The following RELN variants were observed in gnomAD, a reference collection of about 807,000 sequenced individuals.
The protein encoded by RELN is reelin.
A neutral mutation model predicts 427.6 loss-of-function variants in RELN; 108 were observed. The observed-to-expected ratio is 0.25, with a 90% CI of 0.22 to 0.30. The LOEUF (loss-of-function observed/expected upper bound fraction) is 0.30, where lower values mean the gene tolerates loss of function less well. Ranked by LOEUF, RELN falls within the 10% of genes least tolerant of loss-of-function variation. The pLI is 1.00. For synonymous variants in RELN, 1,524 were observed against 1,513.4 expected, an observed-to-expected ratio of 1.01 and a Z score of -0.16; for missense variants, 3,715 against 4,302.8, an observed-to-expected ratio of 0.86 and a Z score of 3.82.
rs147965859 is a variant in RELN at position 103,813,182 on chromosome 7, A to T, written c.473+20355T>A. Among the ~76,000 whole-genome samples, 448 of 152,210 alleles carry T rather than the reference A, an allele frequency of 2.9e-3. 3 individuals are homozygous for T. The highest frequency in any genetic ancestry group is 0.01 in the African/African-American group (434 of 41,532). On this transcript the variant is annotated intron_variant, in intron 3 of 64. Coordinates refer to ENST00000428762, the MANE Select transcript of RELN (RefSeq NM_005045.4). ...CCTTTCTCTTTCTACATATTAATAC[A>T]TGGCCAATTGTCTTTTATGATCCTC...
intron 20 of RELN, among the ~76,000 whole-genome samples, chr7:103,624,392 A>G (rs1400749759): frequency 6.6e-6 from 1 of 151,984 alleles, no homozygotes; most frequent in Non-Finnish European, 1.5e-5. Flanking sequence ...ACATCGTCAC[A>G]TACCACTCAA....
At chr7:103,962,658 G>GTGTGTGTGTGTGTGTA (rs1461579707) in intron 1 of RELN, among the ~76,000 whole-genome samples, 1 of 151,786 alleles carries the variant, frequency 6.6e-6, no homozygotes, top group African/African-American at 2.4e-5. Context: ...GTGTGTGTGT[G>GTGTGTGTGTGTGTGTA]TGTGTGTGTG....
chr7:103,863,375 G>C (rs1474670070), intron 2 of RELN, among the ~76,000 whole-genome samples: 1 of 152,166 alleles, frequency 6.6e-6, no homozygotes, highest in East Asian at 1.9e-4. Flanking sequence ...TACAGGTAAG[G>C]AAATTAAGGC....
intron 8 of RELN, among the ~76,000 whole-genome samples, chr7:103,718,607 T>A (rs1790000790): frequency 6.6e-6 from 1 of 152,050 alleles, no homozygotes; most frequent in Non-Finnish European, 1.5e-5. Context: ...CCAAGCCCCC[T>A]CTTGCCATGA....
Position 103,989,348 on chromosome 7 carries a change from G to A in RELN, c.9C>T (p.Arg3=). The A allele has an allele frequency of 1.3e-6, 2 of 1,489,828 alleles. No homozygotes were observed. The highest frequency in any genetic ancestry group is 1.8e-6 in the Non-Finnish European group (2 of 1,123,648). The allele number at this position is 1,489,828 out of a possible 1,614,324, so 92.3% of individuals were successfully genotyped here. The part of the protein sequence containing the change: ME[R]SGWARQTFLL... The stretch of plus-strand genomic sequence containing the variant: ...GGAAAGTCTGCCGGGCCCAGCCACT[G>A]CGCTCCATGCCGCCGCCGCCGCCGC... Residue 3 remains arginine (R), a synonymous_variant, in exon 1 of 65, where the codon CGC becomes CGT. Transcript: ENST00000428762. The surrounding 1 kb of genome is among the most constrained non-coding windows in gnomAD (Gnocchi z 4.9).
chr7:103,890,870 G>A (rs937030105), intron 2 of RELN, among the ~76,000 whole-genome samples: 3 of 152,148 alleles, frequency 2.0e-5, no homozygotes, highest in Non-Finnish European at 4.4e-5. Context: ...GAGGTCAGGA[G>A]TTCGAGACCA....
rs899750484 is a variant in RELN, at chr7:103,988,811, G to A, written c.226+320C>T. Among the ~76,000 whole-genome samples, 1 of 152,172 alleles carries A rather than the reference G, an allele frequency of 6.6e-6. No homozygotes were observed. The highest frequency in any genetic ancestry group is 1.5e-5 in the Non-Finnish European group (1 of 68,038). ...AGGAGTAAAGAAACAAAATGCGCAG[G>A]TTCAATTTAAAGTGCCTGCGGTAAG... On this transcript the variant is annotated intron_variant, in intron 1 of 64. Coordinates refer to ENST00000428762, the MANE Select transcript of RELN (RefSeq NM_005045.4). This position sits in a 1 kb window ranked among gnomAD's most constrained non-coding sequence, Gnocchi z 4.9.
At chr7:103,985,151 A>AT (rs953718627) in intron 1 of RELN, among the ~76,000 whole-genome samples, 4 of 148,884 alleles carry the variant, frequency 2.7e-5, no homozygotes, top group Admixed American at 6.6e-5. Flanking sequence ...TCACAGTATA[A>AT]TTTTTTTTTA....
At position 103,498,086 on chromosome 7, in the gene RELN, C is replaced by T. The variant is rs761286775; in HGVS notation, c.8834G>A (p.Arg2945Gln). The T allele has an allele frequency of 5.6e-6, 9 of 1,614,078 alleles. No individual in the cohort carries two copies. In the East Asian group the frequency reaches 8.9e-5, roughly 16 times the overall value. ...RQAVTQDLDL[R>Q]GAKFLQYWGR... ...CAAAAAATTCACTTACTTTGCACCT[C>T]GAAGATCCAAATCTTGTGTAACCGC... Residue 2945 changes from arginine (R) to glutamine (Q), a missense_variant, in exon 54 of 65, where the codon CGA becomes CAA. By Grantham distance (43) the Arg-to-Gln change is conservative. Around this residue, in one of 4 missense-constraint regions of RELN, gnomAD observed 1,310 missense variants for 1,643.0 expected, o/e 0.80. Coordinates refer to ENST00000428762, the MANE Select transcript of RELN (RefSeq NM_005045.4).
intron 2 of RELN, among the ~76,000 whole-genome samples, chr7:103,863,502 T>C (rs963125021): frequency 6.6e-6 from 1 of 152,176 alleles, no homozygotes; most frequent in Non-Finnish European, 1.5e-5. Flanking sequence ...ATCCCTGCAA[T>C]GGGAGTAGTT....
At chr7:103,548,617 T>C (rs1330284893) in intron 41 of RELN, among the ~76,000 whole-genome samples, 9 of 152,258 alleles carry the variant, frequency 5.9e-5, no homozygotes, top group Admixed American at 5.9e-4. Flanking sequence ...ATACATTTAC[T>C]TTCTTTTCAT....
chr7:103,859,007 G>A (rs1393678754), intron 2 of RELN, among the ~76,000 whole-genome samples: 1 of 152,148 alleles, frequency 6.6e-6, no homozygotes, highest in Non-Finnish European at 1.5e-5. Context: ...CATATTTTCA[G>A]CTCTTCATGA....
chr7:103,841,791 C>T (rs1241331932), intron 2 of RELN, among the ~76,000 whole-genome samples: 1 of 152,048 alleles, frequency 6.6e-6, no homozygotes, highest in Non-Finnish European at 1.5e-5. Flanking sequence ...CAAAAATAAC[C>T]CACCTATTGA....
intron 16 of RELN, among the ~76,000 whole-genome samples, chr7:103,646,588 G>T (rs1832802509): frequency 6.6e-6 from 1 of 151,824 alleles, no homozygotes; most frequent in Non-Finnish European, 1.5e-5. Flanking sequence ...TAGAAATCCG[G>T]AAAAGAAAAA....
chr7:103,516,589 G>C (rs1156566416), intron 49 of RELN, among the ~76,000 whole-genome samples: 2 of 151,924 alleles, frequency 1.3e-5, no homozygotes, highest in African/African-American at 2.4e-5. Flanking sequence ...TGCCCAGCCA[G>C]TATCATCTTA....
intron 6 of RELN, among the ~76,000 whole-genome samples, chr7:103,742,308 G>T (rs1244946275): frequency 6.6e-6 from 1 of 152,094 alleles, no homozygotes; most frequent in African/African-American, 2.4e-5. Flanking sequence ...AAACCACAAA[G>T]ATGGGAAAAA....
chr7:103,693,308 C>A (rs1833909388), intron 10 of RELN, among the ~76,000 whole-genome samples: 1 of 142,744 alleles, frequency 7.0e-6, no homozygotes, highest in Non-Finnish European at 1.5e-5. Context: ...AACACATGGA[C>A]ACAGGGAGGG....
chr7:103,644,042 TGAA>T (rs2117370794), intron 16 of RELN, among the ~76,000 whole-genome samples: 1 of 151,934 alleles, frequency 6.6e-6, no homozygotes, highest in South Asian at 2.1e-4. Flanking sequence ...TCTTTGCCAC[TGAA>T]TGCTCAAGAA....
At chr7:103,836,655 T>C (rs1793416994) in intron 2 of RELN, among the ~76,000 whole-genome samples, 4 of 152,094 alleles carry the variant, frequency 2.6e-5, no homozygotes, top group Admixed American at 2.0e-4. Flanking sequence ...ACCCTCTACC[T>C]AAAATGCTCT....
Sources: allele counts gnomAD v4.1 joint callset (sites outside exome capture counted in the v4.1 genomes callset), GRCh38; gene constraint gnomAD v4.1.1; regional missense constraint gnomAD v4.1.1; non-coding constraint Gnocchi (gnomAD v3.1); transcripts MANE v1.5; gene names NCBI Gene and HGNC (gene_info 2026-07-23, HGNC 2026-07-21).